Variants in TP53BP1 observed in about 807,000 individuals in gnomAD.
TP53BP1 encodes tumor protein p53 binding protein 1.
TP53BP1 carries 61 observed loss-of-function variants against 200.8 expected under a neutral mutation model. That is an observed-to-expected ratio of 0.30 (90% CI 0.25 to 0.38). TP53BP1 has a LOEUF of 0.38. Ranked by LOEUF, TP53BP1 falls within the 10% of genes least tolerant of loss-of-function variation. The pLI is 1.00. For missense variants in TP53BP1, 2,144 were observed against 2,371.9 expected (o/e 0.90, Z 2.00); for synonymous variants, 822 against 844.3 (o/e 0.97, Z 0.46).
Position 43,470,080 on chromosome 15 carries a change from G to T in TP53BP1, c.1181-14C>A. The T allele has an allele frequency of 6.2e-7, 1 of 1,602,422 alleles. No homozygotes were observed. The highest frequency in any genetic ancestry group is 1.3e-5 in the African/African-American group (1 of 74,658). ...CCATTGGCTTATCTGGTTTAAAACA[G>T]GAGAAACAAATTGAGAAATATCACT... On this transcript the variant is annotated splice_polypyrimidine_tract_variant and intron_variant, in intron 10 of 27. Coordinates refer to ENST00000382044, the MANE Select transcript of TP53BP1 (RefSeq NM_001141980.3).
At chr15:43,494,324 G>T (rs770727698), upstream of TP53BP1, among the ~76,000 whole-genome samples, 4 of 152,200 alleles carry the variant, frequency 2.6e-5, no homozygotes, top group African/African-American at 7.2e-5. Context: ...AGGCAAAGCT[G>T]AAGTGGAGCT....
chr15:43,491,523 A>C (rs2079122351), intron 4 of TP53BP1, 146 bp downstream of exon 4: 1 of 696,022 alleles, frequency 1.4e-6, no homozygotes, highest in African/African-American at 1.8e-5. Context: ...GTACTATTAC[A>C]ATACTATCTA....
chr15:43,410,812 C>T (rs1423624141), intron 24 of TP53BP1, among the ~76,000 whole-genome samples: 1 of 152,136 alleles, frequency 6.6e-6, no homozygotes, highest in Non-Finnish European at 1.5e-5. Flanking sequence ...GCCGAGGCCC[C>T]AGGTCAGGGG....
At chr15:43,413,010 A>T in intron 24 of TP53BP1, 109 bp downstream of exon 24, 1 of 983,840 alleles carries the variant, frequency 1.0e-6, no homozygotes, top group Non-Finnish European at 1.5e-6. Context: ...CCCAGTTGCT[A>T]CTTGCCTTGC....
rs1204713710 is a variant in TP53BP1 at position 43,438,267 on chromosome 15, C to A, written c.3191+57G>T. The A allele has an allele frequency of 1.6e-5, 23 of 1,479,774 alleles. No individual in the cohort carries two copies. The South Asian group carries it at 2.2e-4, about 14-fold the overall frequency. 91.7% of individuals were successfully genotyped at this position (1,479,774 alleles called of 1,614,324 possible). A position where few individuals can be genotyped will look rare whatever the true frequency, so the allele number is the denominator to read the frequency against. ...AGCACAGTACATATTAGGATTTGGG[C>A]ACTAACCATTTTGTGAACCAATGGA... On this transcript the variant is annotated intron_variant, in intron 16 of 27. Coordinates refer to ENST00000382044, the MANE Select transcript of TP53BP1 (RefSeq NM_001141980.3).
chr15:43,423,057 G>T (rs2045442410), intron 18 of TP53BP1, among the ~76,000 whole-genome samples: 1 of 149,078 alleles, frequency 6.7e-6, no homozygotes, highest in African/African-American at 2.5e-5. Context: ...AGGACAAAAA[G>T]GTTATAAGTA....
At chr15:43,495,121 G>A (rs2079173915), upstream of TP53BP1, among the ~76,000 whole-genome samples, 1 of 151,834 alleles carries the variant, frequency 6.6e-6, no homozygotes, top group South Asian at 2.1e-4. Context: ...GAACTAGGAG[G>A]CACAGGTTGC....
Position 43,416,436 on chromosome 15 carries a change from A to C in TP53BP1, c.4682-20T>G, listed in dbSNP as rs190018585. ...CCACTCCTGGGGGGTGGAAAGCATA[A>C]AAGAAGCTTGCTGTTGTCTTAGGCT... On this transcript the variant is annotated intron_variant, in intron 21 of 27. Transcript: ENST00000382044. 2.0e-5 allele frequency: 33 copies of C among 1,610,904 alleles called. No individual in the cohort carries two copies. In the East Asian group the frequency reaches 6.7e-4, roughly 33 times the overall value.
At chr15:43,497,187 A>G (rs1401703184), upstream of TP53BP1, among the ~76,000 whole-genome samples, 1 of 152,190 alleles carries the variant, frequency 6.6e-6, no homozygotes, top group Non-Finnish European at 1.5e-5. Context: ...TGAGCTCAGG[A>G]GTTCAAGACT....
intron 11 of TP53BP1, among the ~76,000 whole-genome samples, chr15:43,461,353 G>C (rs1164276633): frequency 6.6e-6 from 1 of 151,754 alleles, no homozygotes; most frequent in Non-Finnish European, 1.5e-5. Flanking sequence ...CCGAGTAGCT[G>C]GGAATACAGG....
upstream of TP53BP1, chr15:43,497,415 G>A (rs28717706): frequency 5.1e-6 from 5 of 985,172 alleles, no homozygotes; most frequent in African/African-American, 5.2e-5. Flanking sequence ...TATCTTTGAC[G>A]TCTGTAGTGT....
intron 4 of TP53BP1, among the ~76,000 whole-genome samples, chr15:43,490,653 G>C (rs886112170): frequency 6.6e-6 from 1 of 152,132 alleles, no homozygotes; most frequent in Non-Finnish European, 1.5e-5. Flanking sequence ...TTGGACCTTA[G>C]AAATATTGGG....
At chr15:43,424,745 T>C (rs537152386) in intron 18 of TP53BP1, among the ~76,000 whole-genome samples, 1 of 152,220 alleles carries the variant, frequency 6.6e-6, no homozygotes, top group Non-Finnish European at 1.5e-5. Flanking sequence ...ACTTTTAATA[T>C]GGTAATATGT....
chr15:43,470,201 G>C (rs975188259), intron 10 of TP53BP1, 135 bp from the exon 11 acceptor site: 2 of 747,298 alleles, frequency 2.7e-6, no homozygotes, highest in African/African-American at 3.5e-5. Context: ...CAGAAAAGCT[G>C]ACAGAATAAT....
chr15:43,490,678 A>G (rs2079109508), intron 4 of TP53BP1, among the ~76,000 whole-genome samples: 1 of 152,200 alleles, frequency 6.6e-6, no homozygotes, highest in Non-Finnish European at 1.5e-5. Flanking sequence ...AAGACTGAGA[A>G]GCACTGATTA....
chr15:43,428,229 T>C lies in TP53BP1; in HGVS notation c.3676-61A>G, dbSNP rs1336241000. 6.3e-6 allele frequency: 9 copies of C among 1,433,824 alleles called. No individual in the cohort carries two copies. The East Asian group carries it at 1.8e-4, about 29-fold the overall frequency. The allele number at this position is 1,433,824 out of a possible 1,614,324, so 88.8% of individuals were successfully genotyped here. A position where few individuals can be genotyped will look rare whatever the true frequency, so the allele number is the denominator to read the frequency against. On this transcript the variant is annotated intron_variant, in intron 17 of 27. Transcript: ENST00000382044. Reference sequence around the variant, plus strand: ...CACTGCAAGCTGTCAAAATCACAAATCTTATGCTTCATGATGAGAACTGTT... The same window carrying C: ...CACTGCAAGCTGTCAAAATCACAAACCTTATGCTTCATGATGAGAACTGTT...
chr15:43,487,845 T>A (rs906868531), intron 4 of TP53BP1, among the ~76,000 whole-genome samples: 3 of 149,996 alleles, frequency 2.0e-5, no homozygotes, highest in Non-Finnish European at 4.4e-5. Flanking sequence ...TTCTCAATAG[T>A]AGTCAAAAAC....
At chr15:43,419,243 G>T (rs190578918) in intron 21 of TP53BP1, among the ~76,000 whole-genome samples, 1 of 152,240 alleles carries the variant, frequency 6.6e-6, no homozygotes, top group African/African-American at 2.4e-5. Context: ...AAGAAATCTG[G>T]CAAATACAAC....
intron 23 of TP53BP1, 111 bp from the exon 24 acceptor site, chr15:43,413,445 C>T: frequency 1.2e-6 from 1 of 815,964 alleles, no homozygotes; most frequent in Non-Finnish European, 1.9e-6. Context: ...CAGGCACTGT[C>T]CTGATGAACT....
Sources: allele counts gnomAD v4.1 joint callset (sites outside exome capture counted in the v4.1 genomes callset), GRCh38; gene constraint gnomAD v4.1.1; transcripts MANE v1.5; gene names NCBI Gene and HGNC (gene_info 2026-07-23, HGNC 2026-07-21).